Variants in DROSHA observed in about 807,000 individuals in gnomAD.
DROSHA encodes ribonuclease 3.
In DROSHA, 56 loss-of-function variants were observed where a neutral mutation model predicts 181.9. The observed-to-expected ratio is 0.31, with a 90% CI of 0.25 to 0.38. The LOEUF (loss-of-function observed/expected upper bound fraction) is 0.38, where lower values mean the gene tolerates loss of function less well. Ranked by LOEUF, DROSHA falls within the 10% of genes least tolerant of loss-of-function variation. The probability of loss-of-function intolerance (pLI) is 1.00; values close to 1 mark genes in which losing one functional copy is unlikely to be tolerated. For synonymous variants in DROSHA, 524 were observed against 591.2 expected, an observed-to-expected ratio of 0.89 and a Z score of 1.65; for missense variants, 1,218 against 1,743.5, an observed-to-expected ratio of 0.70 and a Z score of 5.37.
Position 31,480,633 on chromosome 5 carries a change from A to T in DROSHA, c.2071+2921T>A, listed in dbSNP as rs191323075. On this transcript the variant is annotated intron_variant, in intron 16 of 35. Coordinates refer to ENST00000344624, the MANE Select transcript of DROSHA (RefSeq NM_001382508.1). ...GTTTACTTTATAAAAATGAGAGATA[A>T]TACCAAAGACTATTTGAAAAGCACA... is the stretch of plus-strand genomic sequence containing the variant. Among the ~76,000 whole-genome samples the T allele has an allele frequency of 2.4e-4, 36 of 152,316 alleles. No individual in the cohort carries two copies. The East Asian group carries it at 6.8e-3, about 29-fold the overall frequency.
At chr5:31,481,193 A>G (rs1014783895) in intron 16 of DROSHA, among the ~76,000 whole-genome samples, 36 of 152,326 alleles carry the variant, frequency 2.4e-4, no homozygotes, top group Admixed American at 2.1e-3. Flanking sequence ...ACCAAAATGC[A>G]TTTTATACAT....
intron 23 of DROSHA, among the ~76,000 whole-genome samples, chr5:31,441,886 T>A (rs922626898): frequency 1.3e-5 from 2 of 152,168 alleles, no homozygotes; most frequent in African/African-American, 4.8e-5. Context: ...AATCTTCACA[T>A]GGAAAGCAAG....
chr5:31,485,898 G>C (rs535858421), intron 14 of DROSHA, among the ~76,000 whole-genome samples: 1 of 152,280 alleles, frequency 6.6e-6, no homozygotes, highest in South Asian at 2.1e-4. Flanking sequence ...GCACAAGCTT[G>C]TTTGCTGTCT....
At position 31,411,077 on chromosome 5, in the gene DROSHA, G is replaced by A. The variant is rs1741254545; in HGVS notation, c.3526-190C>T. On this transcript the variant is annotated intron_variant, in intron 30 of 35. Coordinates refer to ENST00000344624, the MANE Select transcript of DROSHA (RefSeq NM_001382508.1). The surrounding 1 kb of genome is among the most constrained non-coding windows in gnomAD (Gnocchi z 4.2). ...GCCCATTTACCTTCTCCTTAATAAC[G>A]TACTCCACTCTACTATCCTGGATTT... is the stretch of plus-strand genomic sequence containing the variant. 1.3e-5 allele frequency among the ~76,000 whole-genome samples: 2 copies of A among 151,912 alleles called. No homozygotes were observed. Among genetic ancestry groups the A allele is most frequent in the Non-Finnish European group, 2.9e-5 (2 of 68,016 alleles).
Position 31,529,044 on chromosome 5 carries a change from T to A in DROSHA, c.16A>T (p.Thr6Ser). Residue 6 changes from threonine to serine, a missense_variant, in exon 4 of 36, where the codon ACA becomes TCA. Thr to Ser is a moderately conservative substitution (Grantham distance 58, BLOSUM62 1). This residue lies in a region of DROSHA where 536 missense variants were observed against 535.4 expected (regional missense o/e 1.00). Transcript: ENST00000344624. Reference protein sequence around the residue: MMQGNTCHRMSFHPGR... With the variant: MMQGNSCHRMSFHPGR... ...CATTCCCATCACGGCACTCACCATG[T>A]GTTTCCCTGCATCATGATGTTCCGC... The A allele has an allele frequency of 6.2e-7, 1 of 1,613,368 alleles. No individual in the cohort carries two copies. The highest frequency in any genetic ancestry group is 8.5e-7 in the Non-Finnish European group (1 of 1,179,722).
At chr5:31,456,031 A>G (rs1484944788) in intron 20 of DROSHA, among the ~76,000 whole-genome samples, 2 of 152,150 alleles carry the variant, frequency 1.3e-5, no homozygotes, top group Non-Finnish European at 2.9e-5. Flanking sequence ...GGATCCACAG[A>G]TTTTATATCC....
rs78281244 is a variant in DROSHA at position 31,436,022 on chromosome 5, T to C, written c.2943-158A>G. 7.9e-3 allele frequency among the ~76,000 whole-genome samples: 1,202 copies of C among 152,316 alleles called. 18 individuals carry two copies. Among genetic ancestry groups the C allele is most frequent in the African/African-American group, 0.026 (1,076 of 41,564 alleles). On this transcript the variant is annotated intron_variant, in intron 24 of 35. Coordinates refer to ENST00000344624, the MANE Select transcript of DROSHA (RefSeq NM_001382508.1). ...ATTAAAGTCTTTGAAAGTTAAATGG[T>C]AAGAACAGTATATCTGAATGTGCTA...
In DROSHA at chr5:31,405,730, A is replaced by C. The variant is rs995019090; in HGVS notation, c.3948-7T>G. Reference sequence around the variant, plus strand: ...CATTTCCGCTTGCTGAATACTATTAAATAAAATAAAGTAAGACATACTTTA... The same window carrying C: ...CATTTCCGCTTGCTGAATACTATTACATAAAATAAAGTAAGACATACTTTA... On this transcript the variant is annotated splice_region_variant and splice_polypyrimidine_tract_variant and intron_variant, in intron 34 of 35. Transcript: ENST00000344624. 3 of 1,520,980 alleles carry C rather than the reference A, an allele frequency of 2.0e-6. No individual in the cohort carries two copies. The African/African-American group carries it at 4.2e-5, about 22-fold the overall frequency. 94.2% of individuals were successfully genotyped at this position (1,520,980 alleles called of 1,614,324 possible). A position where few individuals can be genotyped will look rare whatever the true frequency, so the allele number is the denominator to read the frequency against.
chr5:31,514,363 G>A lies in DROSHA; in HGVS notation c.1290+625C>T, dbSNP rs531446356. 1.4e-4 allele frequency among the ~76,000 whole-genome samples: 22 copies of A among 152,196 alleles called. No individual in the cohort carries two copies. Among genetic ancestry groups the A allele is most frequent in the African/African-American group, 4.3e-4 (18 of 41,514 alleles). On this transcript the variant is annotated intron_variant, in intron 8 of 35. Transcript: ENST00000344624. The surrounding 1 kb of genome is among the most constrained non-coding windows in gnomAD (Gnocchi z 4.4). ...TATCATTAAAAATGTAGAATAGGCT[G>A]GGCACAGTGGCTCACACCTGTAATC...
intron 30 of DROSHA, among the ~76,000 whole-genome samples, chr5:31,419,404 G>A (rs577061708): frequency 2.0e-5 from 3 of 152,304 alleles, no homozygotes; most frequent in Non-Finnish European, 2.9e-5. Context: ...CAGCAGGGCT[G>A]TTAAATACAT....
chr5:31,451,848 T>C (rs952803052), intron 20 of DROSHA, among the ~76,000 whole-genome samples: 1 of 152,190 alleles, frequency 6.6e-6, no homozygotes, highest in African/African-American at 2.4e-5. Context: ...TCAGAATGCC[T>C]GGGTCTAAAT....
At chr5:31,511,931 G>T (rs199505395) in intron 8 of DROSHA, among the ~76,000 whole-genome samples, 1,874 of 145,490 alleles carry the variant, frequency 0.013, 17 homozygotes, top group Middle Eastern at 0.064. Flanking sequence ...TCACACACAC[G>T]CACACACACA....
intron 17 of DROSHA, among the ~76,000 whole-genome samples, chr5:31,469,037 T>C (rs1398805375): frequency 6.6e-6 from 1 of 152,152 alleles, no homozygotes; most frequent in Non-Finnish European, 1.5e-5. Flanking sequence ...CAGCCAGCCA[T>C]CTGACAAATA....
chr5:31,402,143 T>A (rs1740082901), intron 35 of DROSHA, among the ~76,000 whole-genome samples: 1 of 152,176 alleles, frequency 6.6e-6, no homozygotes, highest in African/African-American at 2.4e-5. Context: ...CAAAAGTAAC[T>A]CAAGTAGAAA....
At position 31,467,953 on chromosome 5, in the gene DROSHA, A is replaced by G; in HGVS notation, c.2352T>C (p.Tyr784=). ...HFGIRPAQLS[Y]AGDPQYQKLW... ...AAATATCTTACTGTGGGTCTCCTGC[A>G]TAACTCAACTGTGCAGGGCGTATCC... Residue 784 remains tyrosine (Y), a synonymous_variant, in exon 18 of 36, where the codon TAT becomes TAC. Transcript: ENST00000344624. The G allele has an allele frequency of 6.2e-7, 1 of 1,611,708 alleles. No homozygotes were observed. The highest frequency in any genetic ancestry group is 8.5e-7 in the Non-Finnish European group (1 of 1,178,930).
At chr5:31,512,438 G>A (rs1259250490) in intron 8 of DROSHA, among the ~76,000 whole-genome samples, 1 of 152,128 alleles carries the variant, frequency 6.6e-6, no homozygotes, top group Admixed American at 6.5e-5. Flanking sequence ...ATTGTTTTAA[G>A]AATAATAACA....
intron 30 of DROSHA, among the ~76,000 whole-genome samples, chr5:31,419,534 G>A (rs1352380842): frequency 3.6e-5 from 5 of 139,970 alleles, no homozygotes; most frequent in African/African-American, 5.1e-5. Flanking sequence ...ATGCCTTTCT[G>A]AGTTTTGGTT....
chr5:31,516,277 C>T (rs1270375269), intron 6 of DROSHA, among the ~76,000 whole-genome samples: 3 of 152,080 alleles, frequency 2.0e-5, no homozygotes, highest in Non-Finnish European at 4.4e-5. Flanking sequence ...ACAACAAAAC[C>T]TACAGGGTAG....
Position 31,483,547 on chromosome 5 carries a change from G to T in DROSHA, c.2071+7C>A. The T allele has an allele frequency of 6.2e-7, 1 of 1,611,664 alleles. No individual in the cohort carries two copies. ...TCACCAGGTCACTGACAAGCCAGAA[G>T]ATTTACCTGGAAGAAATCTTACAAA... On this transcript the variant is annotated splice_region_variant and intron_variant, in intron 16 of 35. Transcript: ENST00000344624.
Sources: gnomAD v4.1 joint callset for allele counts (sites outside exome capture counted in the v4.1 genomes callset) on GRCh38, gnomAD v4.1.1 for gene constraint, gnomAD v4.1.1 regional missense constraint, Gnocchi (gnomAD v3.1) non-coding constraint, MANE v1.5 for transcripts, NCBI Gene and HGNC (gene_info 2026-07-23, HGNC 2026-07-21) for gene names.